RBM5: variants seen among roughly 807,000 people sequenced by gnomAD.
RBM5 encodes the protein RNA binding motif protein 5.
A neutral mutation model predicts 124.6 loss-of-function variants in RBM5; 15 were observed. That is an observed-to-expected ratio of 0.12 (90% CI 0.08 to 0.19). The LOEUF (loss-of-function observed/expected upper bound fraction) is 0.19. Ranked by LOEUF, RBM5 falls within the 10% of genes least tolerant of loss-of-function variation. The probability of loss-of-function intolerance (pLI) is 1.00; values close to 1 mark genes in which losing one functional copy is unlikely to be tolerated. For synonymous variants in RBM5, 337 were observed against 361.2 expected, an observed-to-expected ratio of 0.93 and a Z score of 0.76; for missense variants, 580 against 1,026.5, an observed-to-expected ratio of 0.57 and a Z score of 5.94.
chr3:50,112,240 TAAA>T (rs778941760), intron 17 of RBM5: 4 of 125,532 alleles, frequency 3.2e-5, no homozygotes, highest in Non-Finnish European at 6.9e-5. Context: ...CCGTCTCTAC[TAAA>T]AAAAAAAAAA....
In RBM5 at chr3:50,115,486, G is replaced by A. The variant is rs2091231298; in HGVS notation, c.1898G>A (p.Arg633Lys). ...GACAATGAGGAGGAGCTGGTGGAGA[G>A]ACTTGAGAGTGAGGAAGAGAAGCTA... The part of the protein sequence containing the change: ...DSDNEEELVE[R>K]LESEEEKLAD... Residue 633 changes from arginine (R) to lysine (K), a missense_variant, in exon 21 of 25, where the codon AGA becomes AAA. Physicochemically the swap from Arg to Lys is conservative, Grantham distance 26 (BLOSUM62 2). Transcript: ENST00000347869. The A allele has an allele frequency of 1.9e-6, 3 of 1,613,990 alleles. No individual in the cohort carries two copies. Among genetic ancestry groups the A allele is most frequent in the African/African-American group, 2.7e-5 (2 of 74,908 alleles).
chr3:50,096,663 C>T (rs138120201), intron 4 of RBM5, among the ~76,000 whole-genome samples: 583 of 50,148 alleles, frequency 0.012, 4 homozygotes, highest in African/African-American at 0.046. Context: ...GATTGTGGCT[C>T]ACAGCAGCCT....
chr3:50,102,813 C>T (rs1464910370), intron 6 of RBM5: 8 of 414,730 alleles, frequency 1.9e-5, no homozygotes, highest in South Asian at 2.7e-5. Flanking sequence ...CTTCTGTCTC[C>T]GCTGGAGACA....
At chr3:50,097,518 G>A (rs1028615097) in intron 4 of RBM5, among the ~76,000 whole-genome samples, 87 of 152,054 alleles carry the variant, frequency 5.7e-4, no homozygotes, top group African/African-American at 1.8e-3. Context: ...TCTTGCAGCC[G>A]TTGCACCTAG....
At chr3:50,103,361 G>A (rs367758578) in intron 7 of RBM5, among the ~76,000 whole-genome samples, 195 bp downstream of exon 7, 7 of 152,174 alleles carry the variant, frequency 4.6e-5, no homozygotes, top group African/African-American at 7.2e-5. Context: ...TAAGATGCAC[G>A]TTCTGCTGGG....
At position 50,117,569 on chromosome 3, in the gene RBM5, C is replaced by G. The variant is rs898016267; in HGVS notation, c.2322+190C>G. On this transcript the variant is annotated intron_variant, in intron 24 of 24. Coordinates refer to ENST00000347869, the MANE Select transcript of RBM5 (RefSeq NM_005778.4). This position sits in a 1 kb window ranked among gnomAD's most constrained non-coding sequence, Gnocchi z 4.2. Reference sequence around the variant, plus strand: ...GCCGAGGAGGGTGGATTGCCTGAGCCCAGAAGTTTGAGACCAGCCTGGGCA... The same window carrying G: ...GCCGAGGAGGGTGGATTGCCTGAGCGCAGAAGTTTGAGACCAGCCTGGGCA... The G allele has an allele frequency of 3.8e-5, 27 of 701,384 alleles. No individual in the cohort carries two copies. The highest frequency in any genetic ancestry group is 4.3e-4 in the Middle Eastern group (1 of 2,322). 43.4% of individuals were successfully genotyped at this position (701,384 alleles called of 1,614,324 possible).
chr3:50,112,414 TAAAAAAAAAAAAA>T (rs58011975), intron 17 of RBM5, among the ~76,000 whole-genome samples: 8 of 88,224 alleles, frequency 9.1e-5, no homozygotes, highest in African/African-American at 4.8e-5. Context: ...AGACTCTGTC[TAAAAAAAAAAAAA>T]AAAAAAAAAA....
At chr3:50,111,465 C>T (rs2091143229) in intron 17 of RBM5, among the ~76,000 whole-genome samples, 1 of 152,112 alleles carries the variant, frequency 6.6e-6, no homozygotes, top group Admixed American at 6.5e-5. Flanking sequence ...CAGCCTCCAC[C>T]TCCTGGGTTC....
intron 4 of RBM5, among the ~76,000 whole-genome samples, chr3:50,095,523 A>G (rs1018798735): frequency 1.3e-5 from 2 of 151,904 alleles, no homozygotes; most frequent in African/African-American, 4.8e-5. Flanking sequence ...TTCCAGCAGC[A>G]TCTCTGGTCC....
At chr3:50,104,465 C>G in intron 8 of RBM5, 157 bp downstream of exon 8, 1 of 672,458 alleles carries the variant, frequency 1.5e-6, no homozygotes, top group Non-Finnish European at 2.6e-6. Flanking sequence ...ATAGCAAGAC[C>G]CTGCCTGTAC....
In RBM5 at chr3:50,117,529, C is replaced by T; in HGVS notation, c.2322+150C>T. ...CAGGCATGAGCTCACACCTGTAATC[C>T]CAGCACTTTGGGAGGCCGAGGAGGG... is the stretch of plus-strand genomic sequence containing the variant. On this transcript the variant is annotated intron_variant, in intron 24 of 24. Coordinates refer to ENST00000347869, the MANE Select transcript of RBM5 (RefSeq NM_005778.4). The surrounding 1 kb of genome is among the most constrained non-coding windows in gnomAD (Gnocchi z 4.2). The T allele has an allele frequency of 8.7e-7, 1 of 1,142,962 alleles. No individual in the cohort carries two copies. Among genetic ancestry groups the T allele is most frequent in the Non-Finnish European group, 1.2e-6 (1 of 823,496 alleles). 70.8% of individuals were successfully genotyped at this position (1,142,962 alleles called of 1,614,324 possible). A position where few individuals can be genotyped will look rare whatever the true frequency, so the allele number is the denominator to read the frequency against.
Position 50,108,136 on chromosome 3 carries a change from C to A in RBM5, c.1108C>A (p.Gln370Lys). 1 of 1,609,784 alleles carries A rather than the reference C, an allele frequency of 6.2e-7. No homozygotes were observed. The highest frequency in any genetic ancestry group is 8.5e-7 in the Non-Finnish European group (1 of 1,176,090). Residue 370 changes from glutamine to lysine, a missense_variant, in exon 13 of 25, where the codon CAA (glutamine) becomes AAA (lysine). Gln to Lys is a moderately conservative substitution (Grantham distance 53). Around this residue, in one of 6 missense-constraint regions of RBM5, gnomAD observed 104 missense variants for 128.7 expected, o/e 0.81. Transcript: ENST00000347869. ...YLQPGQDGYA[Q>K]YAQYSQDYQQ... ...GCAACCAGGTCAAGATGGCTATGCC[C>A]AATATGCTCAGGTAGGTAGATTTTA...
intron 4 of RBM5, 158 bp from the exon 5 acceptor site, chr3:50,099,824 T>G (rs2090902786): frequency 1.8e-6 from 1 of 564,368 alleles, no homozygotes; most frequent in Non-Finnish European, 3.0e-6. Context: ...ATCATGCCAC[T>G]GCACTCCAGC....
At chr3:50,093,912 G>T (rs757020339) in intron 4 of RBM5, 37 bp downstream of exon 4, 3 of 1,574,944 alleles carry the variant, frequency 1.9e-6, no homozygotes, top group Non-Finnish European at 2.6e-6. Context: ...GCAGTCAGTA[G>T]GCACAATGAA....
chr3:50,092,951 T>A (rs1424985169), intron 3 of RBM5: 1 of 153,182 alleles, frequency 6.5e-6, no homozygotes, highest in Non-Finnish European at 1.3e-5. Context: ...ATCTTTTTTT[T>A]TTTTTTTTTT....
chr3:50,114,319 G>C, intron 20 of RBM5, 68 bp downstream of exon 20: 1 of 1,454,974 alleles, frequency 6.9e-7, no homozygotes, highest in Non-Finnish European at 9.4e-7. Flanking sequence ...AGGCTCAACT[G>C]CATCTTGGCT....
At position 50,117,079 on chromosome 3, in the gene RBM5, A is replaced by G; in HGVS notation, c.2100A>G (p.Lys700=). ...EALELREREM[K]YRDRAAERRE... The stretch of plus-strand genomic sequence containing the variant: ...GTGTTTTTTCTCCCATGTAGATGAA[A>G]TACCGAGACCGAGCTGCAGAAAGAC... Residue 700 remains lysine (K), a synonymous_variant, in exon 23 of 25, where the codon AAA becomes AAG. Transcript: ENST00000347869. The surrounding 1 kb of genome is among the most constrained non-coding windows in gnomAD (Gnocchi z 4.2). The G allele has an allele frequency of 6.2e-7, 1 of 1,614,114 alleles. No homozygotes were observed. The highest frequency in any genetic ancestry group is 8.5e-7 in the Non-Finnish European group (1 of 1,179,940).
chr3:50,105,252 C>G (rs1217445292), intron 9 of RBM5, 110 bp downstream of exon 9: 3 of 914,516 alleles, frequency 3.3e-6, no homozygotes, highest in Admixed American at 2.5e-5. Flanking sequence ...ACTAAAAATA[C>G]AAAAAATTAG....
chr3:50,101,549 A>G, intron 6 of RBM5: 1 of 152,188 alleles, frequency 6.6e-6, no homozygotes, highest in East Asian at 1.9e-4. Context: ...CCCAGAAATC[A>G]CAGCCTGATT....
Sources: allele counts gnomAD v4.1 joint callset (sites outside exome capture counted in the v4.1 genomes callset), GRCh38; gene constraint gnomAD v4.1.1; regional missense constraint gnomAD v4.1.1; non-coding constraint Gnocchi (gnomAD v3.1); transcripts MANE v1.5; gene names NCBI Gene and HGNC (gene_info 2026-07-23, HGNC 2026-07-21).